Variants in UGT1A7 observed in about 807,000 individuals in gnomAD.
UGT1A7 encodes UDP-glucuronosyltransferase 1A7.
Under a neutral mutation model 45.6 loss-of-function variants are expected in UGT1A7, and 33 were observed. The observed-to-expected ratio is 0.72, with a 90% CI of 0.55 to 0.97. UGT1A7 has a LOEUF of 0.97. Among genes scored for constraint, UGT1A7 ranks in the 50% least tolerant of loss-of-function variants. The probability of loss-of-function intolerance (pLI) is 0.00; values close to 1 mark genes in which losing one functional copy is unlikely to be tolerated. For missense variants in UGT1A7, 684 were observed against 666.2 expected (o/e 1.03, Z -0.29); for synonymous variants, 274 against 250.6 (o/e 1.09, Z -0.88).
Position 233,682,480 on chromosome 2 carries a change from A to T in UGT1A7, c.543A>T (p.Ala181=). Residue 181 remains alanine (A), a synonymous_variant, in exon 1 of 5, where the codon GCA becomes GCT. Coordinates refer to ENST00000373426, the MANE Select transcript of UGT1A7 (RefSeq NM_019077.3). ...GIFCHYLEEG[A]QCPAPLSYVP... ...TTTGCCACTATCTTGAAGAAGGTGC[A>T]CAGTGCCCTGCTCCTCTTTCCTATG... 1 of 1,613,942 alleles carries T rather than the reference A, an allele frequency of 6.2e-7. No individual in the cohort carries two copies. Among genetic ancestry groups the T allele is most frequent in the Non-Finnish European group, 8.5e-7 (1 of 1,179,864 alleles).
At chr2:233,713,529 T>A in intron 1 of UGT1A7, 1 of 1,613,944 alleles carries the variant, frequency 6.2e-7, no homozygotes, top group Non-Finnish European at 8.5e-7. Flanking sequence ...TCCATGTGAT[T>A]TAGACTTTAA....
At chr2:233,736,701 G>T (rs1378628991) in intron 1 of UGT1A7, among the ~76,000 whole-genome samples, 1 of 152,172 alleles carries the variant, frequency 6.6e-6, no homozygotes, top group Non-Finnish European at 1.5e-5. Context: ...ATGGGGTTTT[G>T]GTGTAGATGT....
rs1316565909 is a variant in UGT1A7, at chr2:233,767,035, A to G, written c.857A>G (p.Glu286Gly). 6.2e-7 allele frequency: 1 copy of G among 1,614,064 alleles called. No homozygotes were observed. The highest frequency in any genetic ancestry group is 1.7e-5 in the Admixed American group (1 of 60,022). ...NCHQGKPVPM[E>G]FEAYINASGE... The stretch of plus-strand genomic sequence containing the variant: ...TGAAAATTTTTCTTCTGGCTCTAGG[A>G]ATTTGAAGCCTACATTAATGCTTCT... The change falls in exon 2 of 5, where the codon GAA (glutamate) becomes GGA (glycine). Residue 286 changes from glutamate to glycine, a missense_variant and splice_region_variant. Coordinates refer to ENST00000373426, the MANE Select transcript of UGT1A7 (RefSeq NM_019077.3).
chr2:233,762,105 C>T (rs879435361), intron 1 of UGT1A7, among the ~76,000 whole-genome samples: 8 of 151,972 alleles, frequency 5.3e-5, no homozygotes, highest in Non-Finnish European at 1.0e-4. Flanking sequence ...GTTGATTGTC[C>T]GCTTCACATC....
chr2:233,769,890 A>C lies in UGT1A7; in HGVS notation c.1295+1451A>C. On this transcript the variant is annotated intron_variant, in intron 4 of 4. Transcript: ENST00000373426. This position sits in a 1 kb window ranked among gnomAD's most constrained non-coding sequence, Gnocchi z 4.4. Reference sequence around the variant, plus strand: ...AAAAAAAAAATGAAAAGTCCACATAACCTGAGCATCATGTGCCCAGAGCGT... The same window carrying C: ...AAAAAAAAAATGAAAAGTCCACATACCCTGAGCATCATGTGCCCAGAGCGT... 1 of 371,658 alleles carries C rather than the reference A, an allele frequency of 2.7e-6. No homozygotes were observed. 23.0% of individuals were successfully genotyped at this position (371,658 alleles called of 1,614,324 possible).
At position 233,682,683 on chromosome 2, in the gene UGT1A7, C is replaced by T; in HGVS notation, c.746C>T (p.Ser249Leu). 1.2e-6 allele frequency: 2 copies of T among 1,613,862 alleles called. No individual in the cohort carries two copies. Among genetic ancestry groups the T allele is most frequent in the South Asian group, 2.2e-5 (2 of 91,070 alleles). ...VTAYDLYSHT[S>L]IWLLRTDFVL... ...GCATATGATCTCTACAGCCACACAT[C>T]AATTTGGTTGTTGCGAACTGACTTT... The change falls in exon 1 of 5, where the codon TCA (serine) becomes TTA (leucine). Residue 249 changes from serine (S) to leucine (L), a missense_variant. By Grantham distance (145) the Ser-to-Leu change is moderately radical (BLOSUM62 -2). Coordinates refer to ENST00000373426, the MANE Select transcript of UGT1A7 (RefSeq NM_019077.3).
At chr2:233,758,825 C>A (rs929060485) in intron 1 of UGT1A7, among the ~76,000 whole-genome samples, 2 of 152,114 alleles carry the variant, frequency 1.3e-5, no homozygotes, top group Admixed American at 6.5e-5. Flanking sequence ...ATATCCCCCC[C>A]AAAAAGAGTG....
intron 1 of UGT1A7, chr2:233,708,761 C>T (rs7583278): frequency 0.42 from 63,889 of 151,386 alleles, 14,561 homozygotes; most frequent in African/African-American, 0.59. Context: ...ACTCCCCACC[C>T]CCCCCCAAAT....
chr2:233,738,188 G>T (rs543563413), intron 1 of UGT1A7, among the ~76,000 whole-genome samples: 6 of 152,088 alleles, frequency 3.9e-5, no homozygotes, highest in Non-Finnish European at 8.8e-5. Flanking sequence ...ACGTGTCTTT[G>T]CCTCTCTCTC....
At chr2:233,690,604 G>C (rs756529632) in intron 1 of UGT1A7, 1 of 1,289,060 alleles carries the variant, frequency 7.8e-7, no homozygotes. Flanking sequence ...AAAAAAATCG[G>C]CCTTTGCCTG....
At chr2:233,771,047 T>C (rs1700228624) in intron 4 of UGT1A7, 1 of 152,132 alleles carries the variant, frequency 6.6e-6, no homozygotes, top group South Asian at 2.1e-4. Flanking sequence ...TGCCACACAC[T>C]TTTTAATGAC....
At chr2:233,682,930 T>C in intron 1 of UGT1A7, 138 bp downstream of exon 1, 1 of 1,457,526 alleles carries the variant, frequency 6.9e-7, no homozygotes. Context: ...TTTGTACCAA[T>C]TCACTTAATT....
In UGT1A7 at chr2:233,772,302, G is replaced by A. The variant is rs1458644938; in HGVS notation, c.1336G>A (p.Asp446Asn). Residue 446 changes from aspartate to asparagine, a missense_variant, in exon 5 of 5, where the codon GAC becomes AAC. Physicochemically the swap from Asp to Asn is conservative, Grantham distance 23. Coordinates refer to ENST00000373426, the MANE Select transcript of UGT1A7 (RefSeq NM_019077.3). ...CATGCGCCTCTCCAGCCTTCACAAG[G>A]ACCGCCCGGTGGAGCCGCTGGACCT... ...NIMRLSSLHK[D>N]RPVEPLDLAV... 1 of 1,614,232 alleles carries A rather than the reference G, an allele frequency of 6.2e-7. No individual in the cohort carries two copies.
At chr2:233,724,757 G>A (rs2077306288) in intron 1 of UGT1A7, among the ~76,000 whole-genome samples, 1 of 143,864 alleles carries the variant, frequency 7.0e-6, no homozygotes, top group Non-Finnish European at 1.5e-5. Context: ...CCAGACGATG[G>A]GCGGCCAGGC....
At chr2:233,713,253 G>T in intron 1 of UGT1A7, 1 of 1,614,226 alleles carries the variant, frequency 6.2e-7, no homozygotes, top group Non-Finnish European at 8.5e-7. Flanking sequence ...GACCCAGGAC[G>T]AATTTGATCG....
intron 1 of UGT1A7, chr2:233,693,247 G>A (rs376897810): frequency 4.6e-5 from 75 of 1,613,962 alleles, no homozygotes; most frequent in Middle Eastern, 1.6e-4. Flanking sequence ...ATCCAGTGCC[G>A]TATGACCAAG....
At chr2:233,771,766 C>A (rs1025155606) in intron 4 of UGT1A7, among the ~76,000 whole-genome samples, 2 of 151,968 alleles carry the variant, frequency 1.3e-5, no homozygotes, top group Admixed American at 6.6e-5. Context: ...CTTCCTCCGT[C>A]CCTCTCTCCT....
chr2:233,704,803 T>C (rs890648963), intron 1 of UGT1A7, among the ~76,000 whole-genome samples: 1 of 152,152 alleles, frequency 6.6e-6, no homozygotes, highest in African/African-American at 2.4e-5. Context: ...TAATTATATA[T>C]ATGTATATTG....
chr2:233,704,781 G>A (rs989120874), intron 1 of UGT1A7, among the ~76,000 whole-genome samples: 3 of 152,050 alleles, frequency 2.0e-5, no homozygotes, highest in South Asian at 4.2e-4. Context: ...ATATGTTATA[G>A]TCCCAACAAT....
Sources: allele counts gnomAD v4.1 joint callset (sites outside exome capture counted in the v4.1 genomes callset), GRCh38; gene constraint gnomAD v4.1.1; non-coding constraint Gnocchi (gnomAD v3.1); transcripts MANE v1.5; gene names NCBI Gene and HGNC (gene_info 2026-07-23, HGNC 2026-07-21).